The following MYH13 variants were observed in gnomAD, a reference collection of about 807,000 sequenced individuals.
The protein encoded by MYH13 is myosin heavy chain 13.
A neutral mutation model predicts 232.1 loss-of-function variants in MYH13; 177 were observed. The ratio of observed to expected loss-of-function variants is 0.76; its 90% CI spans 0.67 to 0.86. The LOEUF is 0.86. MYH13 is among the 40% of genes least tolerant of loss of function. The probability of loss-of-function intolerance (pLI) is 0.00; values close to 1 mark genes in which losing one functional copy is unlikely to be tolerated. For missense variants in MYH13, 2,246 were observed against 2,405.9 expected, an observed-to-expected ratio of 0.93 and a Z score of 1.39; for synonymous variants, 884 against 923.5, an observed-to-expected ratio of 0.96 and a Z score of 0.78.
At chr17:10,312,863 G>C in intron 30 of MYH13, 106 bp from the exon 31 acceptor site, 1 of 1,302,788 alleles carries the variant, frequency 7.7e-7, no homozygotes, top group Non-Finnish European at 1.0e-6. Context: ...ACTGGTGTTT[G>C]ATGAGACCAA....
Position 10,354,691 on chromosome 17 carries a change from G to A in MYH13, c.994C>T (p.Leu332=), listed in dbSNP as rs745400900. 5.6e-6 allele frequency: 9 copies of A among 1,613,062 alleles called. No individual in the cohort carries two copies. In the South Asian group the frequency reaches 6.6e-5, roughly 12 times the overall value. The change falls in exon 11 of 41, where the codon CTG becomes TTG. Residue 332 remains leucine, a synonymous_variant. Coordinates refer to ENST00000252172, the MANE Select transcript of MYH13 (RefSeq NM_003802.3). ...VASIDDSEEL[L]ATDNAIDILG... ...AATGGCATGCTTACATCTGTCGCCAGCAGTTCTTCACTGTCATCGATACTG... is the reference window on the plus strand; with the variant it reads ...AATGGCATGCTTACATCTGTCGCCAACAGTTCTTCACTGTCATCGATACTG...
intron 39 of MYH13, 67 bp downstream of exon 39, chr17:10,303,129 C>G: frequency 7.0e-7 from 1 of 1,424,996 alleles, no homozygotes; most frequent in Non-Finnish European, 9.8e-7. Context: ...ACCAGGATGG[C>G]GGGGACACCC....
At chr17:10,361,454 G>A (rs972804236) in intron 5 of MYH13, among the ~76,000 whole-genome samples, 10 of 151,008 alleles carry the variant, frequency 6.6e-5, no homozygotes, top group African/African-American at 2.5e-4. Flanking sequence ...ACCATGACTG[G>A]CTAATTTTTT....
At position 10,319,024 on chromosome 17, in the gene MYH13, G is replaced by A. The variant is rs1906831108; in HGVS notation, c.3504C>T (p.Asn1168=). 8 of 1,613,964 alleles carry A rather than the reference G, an allele frequency of 5.0e-6. No homozygotes were observed. The highest frequency in any genetic ancestry group is 5.9e-6 in the Non-Finnish European group (7 of 1,180,036). ...SGATSAQIEM[N]KKREAEFQKM... ...TCTGGAACTCAGCCTCCCTCTTCTT[G>A]TTCATCTCAATCTGGGCTGAAGTGG... Residue 1168 remains asparagine, a synonymous_variant, in exon 27 of 41, where the codon AAC becomes AAT. Transcript: ENST00000252172.
At position 10,340,418 on chromosome 17, in the gene MYH13, A is replaced by G. The variant is rs781376089; in HGVS notation, c.1895-17T>C. Reference sequence around the variant, plus strand: ...CGGAGTCGCCTGGAGACAGACACAGAAGAGCGTGTTAGATGCATCCCAGAG... The same window carrying G: ...CGGAGTCGCCTGGAGACAGACACAGGAGAGCGTGTTAGATGCATCCCAGAG... On this transcript the variant is annotated splice_polypyrimidine_tract_variant and intron_variant, in intron 16 of 40. Coordinates refer to ENST00000252172, the MANE Select transcript of MYH13 (RefSeq NM_003802.3). 1 of 1,604,936 alleles carries G rather than the reference A, an allele frequency of 6.2e-7. No individual in the cohort carries two copies. Among genetic ancestry groups the G allele is most frequent in the South Asian group, 1.1e-5 (1 of 90,028 alleles).
chr17:10,314,689 C>T (rs1299805958), intron 29 of MYH13, among the ~76,000 whole-genome samples: 2 of 152,142 alleles, frequency 1.3e-5, no homozygotes, highest in East Asian at 3.9e-4. Flanking sequence ...AAGTCTTAGC[C>T]AGCGTACAGC....
rs1356172170 is a variant in MYH13, at chr17:10,320,486, G to A, written c.3122C>T (p.Ser1041Phe). The A allele has an allele frequency of 1.2e-6, 2 of 1,612,446 alleles. No individual in the cohort carries two copies. The highest frequency in any genetic ancestry group is 1.7e-6 in the Non-Finnish European group (2 of 1,179,404). The part of the protein sequence containing the change: ...LEQQTDDLEG[S>F]LEQEKKLRAD... ...CCGCAGTTTCTTCTCCTGCTCTAAG[G>A]AACCCTCAAGCTGAGAAGACACACA... Residue 1041 changes from serine (S) to phenylalanine (F), a missense_variant, in exon 25 of 41, where the codon TCC becomes TTC. Transcript: ENST00000252172.
intron 2 of MYH13, among the ~76,000 whole-genome samples, chr17:10,366,381 G>GTTTGTTTTTTT (rs2071837334): frequency 8.9e-6 from 1 of 112,640 alleles, no homozygotes; most frequent in African/African-American, 3.2e-5. Context: ...AAATAAATCT[G>GTTTGTTTTTTT]TTTTTTTTTT....
Position 10,346,163 on chromosome 17 carries a change from A to C in MYH13, c.1263+517T>G, listed in dbSNP as rs564355744. 4.9e-4 allele frequency among the ~76,000 whole-genome samples: 74 copies of C among 152,268 alleles called. 2 individuals are homozygous for C. The highest frequency in any genetic ancestry group is 1.6e-3 in the African/African-American group (65 of 41,556). On this transcript the variant is annotated intron_variant, in intron 13 of 40. Coordinates refer to ENST00000252172, the MANE Select transcript of MYH13 (RefSeq NM_003802.3). Reference sequence around the variant, plus strand: ...CTATTCACAAAGATATTTTTCTAACAACATGGTTATAGCACATGACTCCAG... The same window carrying C: ...CTATTCACAAAGATATTTTTCTAACCACATGGTTATAGCACATGACTCCAG...
At chr17:10,329,790 C>CT (rs1277128533) in intron 21 of MYH13, among the ~76,000 whole-genome samples, 4 of 152,160 alleles carry the variant, frequency 2.6e-5, no homozygotes, top group African/African-American at 9.7e-5. Context: ...CAAGACCAGC[C>CT]TGGCCAACAT....
chr17:10,346,566 A>T, intron 13 of MYH13, 114 bp downstream of exon 13: 2 of 691,522 alleles, frequency 2.9e-6, no homozygotes, highest in Middle Eastern at 2.5e-4. Flanking sequence ...ACTTCCTCTT[A>T]ATGTGAAAGC....
Position 10,312,756 on chromosome 17 carries a change from T to C in MYH13, c.4183A>G (p.Lys1395Glu). ...TCCTGGAGCCTCTGGGCCAGTTTTT[T>C]CCTACGAAAACCAGATTTTTTTTTT... ...QRTEELEEAK[K>E]KLAQRLQEAE... The change falls in exon 31 of 41, where the codon AAA becomes GAA. Residue 1395 changes from lysine to glutamate, a missense_variant and splice_region_variant. By Grantham distance (56) the Lys-to-Glu change is moderately conservative. Transcript: ENST00000252172. 1 of 1,604,382 alleles carries C rather than the reference T, an allele frequency of 6.2e-7. No individual in the cohort carries two copies. Among genetic ancestry groups the C allele is most frequent in the African/African-American group, 1.3e-5 (1 of 74,330 alleles).
At chr17:10,353,206 G>A (rs991764425) in intron 11 of MYH13, among the ~76,000 whole-genome samples, 1 of 152,150 alleles carries the variant, frequency 6.6e-6, no homozygotes, top group Non-Finnish European at 1.5e-5. Context: ...AGCTCTCTGA[G>A]CCTCTCCAGG....
At chr17:10,364,293 C>A in intron 3 of MYH13, 34 bp downstream of exon 3, 1 of 1,582,528 alleles carries the variant, frequency 6.3e-7, no homozygotes, top group Non-Finnish European at 8.7e-7. Context: ...TGAGCATGCC[C>A]ATATTATCAA....
At chr17:10,349,530 T>C (rs1186120477) in intron 12 of MYH13, among the ~76,000 whole-genome samples, 1 of 152,038 alleles carries the variant, frequency 6.6e-6, no homozygotes, top group Non-Finnish European at 1.5e-5. Flanking sequence ...CAGAAGTGTT[T>C]CCTGTGTGAA....
intron 2 of MYH13, among the ~76,000 whole-genome samples, chr17:10,370,958 C>G (rs2071873699): frequency 6.6e-6 from 1 of 152,154 alleles, no homozygotes; most frequent in Non-Finnish European, 1.5e-5. Context: ...TGTGTATTGA[C>G]TTGGAGCTTG....
chr17:10,312,760 A>G lies in MYH13; in HGVS notation c.4182-3T>C, dbSNP rs774184170. 2 of 1,592,086 alleles carry G rather than the reference A, an allele frequency of 1.3e-6. No individual in the cohort carries two copies. The highest frequency in any genetic ancestry group is 1.7e-4 in the Middle Eastern group (1 of 5,924). On this transcript the variant is annotated splice_region_variant and splice_polypyrimidine_tract_variant and intron_variant, in intron 30 of 40. Transcript: ENST00000252172. ...GGAGCCTCTGGGCCAGTTTTTTCCT[A>G]CGAAAACCAGATTTTTTTTTTCCCC...
rs200760926 is a variant in MYH13, at chr17:10,345,362, A to G, written c.1424T>C (p.Leu475Pro). The G allele has an allele frequency of 3.2e-5, 52 of 1,614,242 alleles. No individual in the cohort carries two copies. Among genetic ancestry groups the G allele is most frequent in the Admixed American group, 6.7e-5 (4 of 60,020 alleles). Residue 475 changes from leucine (L) to proline (P), a missense_variant, in exon 15 of 41, where the codon CTG (leucine) becomes CCG (proline). Leu to Pro is a moderately conservative substitution (Grantham distance 98). Transcript: ENST00000252172. Reference sequence around the variant, plus strand: ...GGTGAAGTTGATGCACAGCTGCTCCAGGCTGTTGAACTGGGTGATTCAAAT... The same window carrying G: ...GGTGAAGTTGATGCACAGCTGCTCCGGGCTGTTGAACTGGGTGATTCAAAT... ...AGFEIFDFNS[L>P]EQLCINFTNE...
intron 16 of MYH13, among the ~76,000 whole-genome samples, chr17:10,340,802 G>A (rs1222622138): frequency 6.6e-6 from 1 of 151,412 alleles, no homozygotes; most frequent in East Asian, 2.0e-4. Flanking sequence ...TGCCTGGCCT[G>A]TTTGTTTTTA....
Sources: allele counts gnomAD v4.1 joint callset (sites outside exome capture counted in the v4.1 genomes callset), GRCh38; gene constraint gnomAD v4.1.1; transcripts MANE v1.5; gene names NCBI Gene and HGNC (gene_info 2026-07-23, HGNC 2026-07-21).